Variants in JCAD observed in about 807,000 individuals in gnomAD.
JCAD encodes the protein junctional cadherin 5-associated protein.
In JCAD, 40 loss-of-function variants were observed where a neutral mutation model predicts 98.0. The ratio of observed to expected loss-of-function variants is 0.41; its 90% CI spans 0.32 to 0.53. JCAD has a LOEUF of 0.53. Ranked by LOEUF, JCAD falls within the 20% of genes least tolerant of loss-of-function variation. The pLI, the probability that JCAD is intolerant of heterozygous loss-of-function variation, is 0.31. For synonymous variants in JCAD, 691 were observed against 682.3 expected (o/e 1.01, Z -0.20); for missense variants, 1,705 against 1,738.1 (o/e 0.98, Z 0.34).
intron 3 of JCAD, among the ~76,000 whole-genome samples, chr10:30,024,263 G>A (rs1010602228): frequency 2.6e-5 from 4 of 152,166 alleles, no homozygotes; most frequent in South Asian, 2.1e-4. Flanking sequence ...GGATTTATTT[G>A]TCTTATTTTA....
intron 1 of JCAD, among the ~76,000 whole-genome samples, chr10:30,074,086 T>C (rs954392393): frequency 6.6e-6 from 1 of 152,128 alleles, no homozygotes; most frequent in Non-Finnish European, 1.5e-5. Flanking sequence ...AAGAGTAGTC[T>C]TGGTGTTGGA....
Position 30,029,631 on chromosome 10 carries a change from A to G in JCAD, c.517T>C (p.Leu173=), listed in dbSNP as rs1466370657. ...CACTTGGCAGGACCTGACATTCGCA[A>G]TTCTTCTTCCCAAACTGGCTTCTTC... ...VMKKPVWEEE[L]RMSGPAKWQN... Residue 173 remains leucine (L), a synonymous_variant, in exon 3 of 4, where the codon TTG becomes CTG. Transcript: ENST00000375377. 4 of 1,614,038 alleles carry G rather than the reference A, an allele frequency of 2.5e-6. No individual in the cohort carries two copies. In the Admixed American group the frequency reaches 5.0e-5, roughly 20 times the overall value.
At position 30,028,511 on chromosome 10, in the gene JCAD, G is replaced by A; in HGVS notation, c.1637C>T (p.Ser546Leu). 1 of 1,614,236 alleles carries A rather than the reference G, an allele frequency of 6.2e-7. No individual in the cohort carries two copies. The highest frequency in any genetic ancestry group is 8.5e-7 in the Non-Finnish European group (1 of 1,180,042). ...HTGRQVSSPY[S>L]QGESTCETQT... Reference sequence around the variant, plus strand: ...AGTTTCGCAGGTGCTCTCGCCCTGTGAGTAAGGGGAGGAAACTTGTCTTCC... The same window carrying A: ...AGTTTCGCAGGTGCTCTCGCCCTGTAAGTAAGGGGAGGAAACTTGTCTTCC... The change falls in exon 3 of 4, where the codon TCA (serine) becomes TTA (leucine). Residue 546 changes from serine (S) to leucine (L), a missense_variant. This residue lies in a region of JCAD where 1,278 missense variants were observed against 1,243.1 expected (regional missense o/e 1.03). Transcript: ENST00000375377.
In JCAD at chr10:30,077,035, C is replaced by T. The variant is rs192596649; in HGVS notation, n.129-7214G>A. On this transcript the variant is annotated intron_variant and non_coding_transcript_variant, in intron 1 of 2. Coordinates refer to the JCAD transcript ENST00000465712. Reference sequence around the variant, plus strand: ...ACTTGGAAAAACGTATGAAGACATTCGGAATTGCAGAGTATATTAATGCCT... The same window carrying T: ...ACTTGGAAAAACGTATGAAGACATTTGGAATTGCAGAGTATATTAATGCCT... Among the ~76,000 whole-genome samples the T allele has an allele frequency of 6.0e-4, 92 of 152,206 alleles. 1 individual carries two copies. Among genetic ancestry groups the T allele is most frequent in the African/African-American group, 1.8e-3 (74 of 41,524 alleles).
At position 30,019,868 on chromosome 10, in the gene JCAD, C is replaced by T. The variant is rs1307000421; in HGVS notation, c.4046-1951G>A. On this transcript the variant is annotated intron_variant, in intron 3 of 3. Transcript: ENST00000375377. ...TTCACAATCTATAGATGAATCAAAA[C>T]ACCATGTTCTATACCTTAAATATAT... 2.6e-5 allele frequency among the ~76,000 whole-genome samples: 4 copies of T among 151,606 alleles called. No individual in the cohort carries two copies. In the South Asian group the frequency reaches 8.3e-4, roughly 32 times the overall value.
At chr10:30,097,695 C>T (rs910225869) in intron 1 of JCAD, among the ~76,000 whole-genome samples, 1 of 152,068 alleles carries the variant, frequency 6.6e-6, no homozygotes, top group Admixed American at 6.6e-5. Flanking sequence ...GCGGAAGTCG[C>T]AGGTTTGCAG....
intron 1 of JCAD, among the ~76,000 whole-genome samples, chr10:30,057,996 T>G (rs75506782): frequency 0.02 from 3,081 of 152,242 alleles, 95 homozygotes; most frequent in African/African-American, 0.068. Flanking sequence ...GTCTTAAAAT[T>G]CTAAAATGAA....
Position 30,029,089 on chromosome 10 carries a change from G to A in JCAD, c.1059C>T (p.Ile353=). ...PPSYRSPPQN[I]PNPYLEDTVP... ...CCGTGTCTTCCAAGTAGGGGTTTGG[G>A]ATGTTCTGCGGGGGCGATCTGTATG... Residue 353 remains isoleucine, a synonymous_variant, in exon 3 of 4, where the codon ATC becomes ATT. Coordinates refer to ENST00000375377, the MANE Select transcript of JCAD (RefSeq NM_020848.4). 6.2e-7 allele frequency: 1 copy of A among 1,614,186 alleles called. No homozygotes were observed. Among genetic ancestry groups the A allele is most frequent in the Non-Finnish European group, 8.5e-7 (1 of 1,180,034 alleles).
At chr10:30,085,014 T>C (rs1838145728) in intron 1 of JCAD, among the ~76,000 whole-genome samples, 1 of 152,214 alleles carries the variant, frequency 6.6e-6, no homozygotes, top group Non-Finnish European at 1.5e-5. Context: ...CAAACTGATT[T>C]GCCATCACAT....
intron 2 of JCAD, among the ~76,000 whole-genome samples, chr10:30,041,497 C>A (rs1337715048): frequency 2.0e-5 from 3 of 151,990 alleles, no homozygotes; most frequent in Non-Finnish European, 4.4e-5. Flanking sequence ...TTTAAAAGAC[C>A]CTGAAAATGA....
At chr10:30,044,411 C>T (rs910664192) in intron 2 of JCAD, among the ~76,000 whole-genome samples, 3 of 152,156 alleles carry the variant, frequency 2.0e-5, no homozygotes, top group Admixed American at 6.5e-5. Context: ...AGTGTGGGGA[C>T]ACACTTTAAG....
intron 1 of JCAD, among the ~76,000 whole-genome samples, chr10:30,108,266 C>G (rs1476758224): frequency 3.3e-5 from 5 of 151,212 alleles, no homozygotes; most frequent in African/African-American, 1.2e-4. Context: ...GAGCTGAGAT[C>G]ATGCCATTAT....
intron 1 of JCAD, among the ~76,000 whole-genome samples, chr10:30,101,851 G>A (rs1021581405): frequency 3.9e-5 from 6 of 152,154 alleles, no homozygotes; most frequent in Non-Finnish European, 7.3e-5. Context: ...CATTCACTTA[G>A]AGACATTTGC....
At chr10:30,042,236 A>C (rs914833518) in intron 2 of JCAD, among the ~76,000 whole-genome samples, 4 of 152,198 alleles carry the variant, frequency 2.6e-5, no homozygotes, top group Non-Finnish European at 4.4e-5. Flanking sequence ...TTTGGGGTAC[A>C]CAGGGAGTCC....
intron 2 of JCAD, among the ~76,000 whole-genome samples, chr10:30,042,228 T>TG (rs1259845197): frequency 6.6e-6 from 1 of 152,204 alleles, no homozygotes; most frequent in Non-Finnish European, 1.5e-5. Context: ...GAACATGTTT[T>TG]GGGGTACACA....
At chr10:30,095,588 C>T (rs940057063) in intron 1 of JCAD, among the ~76,000 whole-genome samples, 3 of 152,222 alleles carry the variant, frequency 2.0e-5, no homozygotes. Flanking sequence ...CTCATTTGCA[C>T]TTCATGTATC....
chr10:30,064,629 A>G (rs545399443), intron 2 of JCAD, among the ~76,000 whole-genome samples: 11 of 151,992 alleles, frequency 7.2e-5, no homozygotes, highest in African/African-American at 2.7e-4. Context: ...TTCCTCCTAA[A>G]TGAAACTTTG....
At position 30,027,905 on chromosome 10, in the gene JCAD, C is replaced by CG; in HGVS notation, c.2242dup (p.Arg748ProfsTer2). ...GAGGGACCTGTGACCTTTCAGGTTA[C>CG]GGGCACTTGGCCTCTGTTTGTGATC... On this transcript the variant is annotated frameshift_variant, in exon 3 of 4. Coordinates refer to ENST00000375377, the MANE Select transcript of JCAD (RefSeq NM_020848.4). LOFTEE classifies it high-confidence loss of function. The CG allele has an allele frequency of 6.2e-7, 1 of 1,614,200 alleles. No homozygotes were observed. Among genetic ancestry groups the CG allele is most frequent in the Non-Finnish European group, 8.5e-7 (1 of 1,180,036 alleles).
At chr10:30,025,002 T>C (rs1257514415) in intron 3 of JCAD, among the ~76,000 whole-genome samples, 1 of 152,110 alleles carries the variant, frequency 6.6e-6, no homozygotes, top group East Asian at 1.9e-4. Context: ...GCCCTACATT[T>C]TTTTGTTCAA....
Sources: allele counts gnomAD v4.1 joint callset (sites outside exome capture counted in the v4.1 genomes callset), GRCh38; gene constraint gnomAD v4.1.1; regional missense constraint gnomAD v4.1.1; transcripts MANE v1.5; gene names NCBI Gene and HGNC (gene_info 2026-07-23, HGNC 2026-07-21).